The following BCKDHB variants were observed in gnomAD, a reference collection of about 807,000 sequenced individuals.
BCKDHB encodes the protein branched chain keto acid dehydrogenase E1 subunit beta.
BCKDHB carries 41 observed loss-of-function variants against 48.5 expected under a neutral mutation model. The observed-to-expected ratio is 0.85, with a 90% confidence interval of 0.66 to 1.10. The LOEUF (loss-of-function observed/expected upper bound fraction) is 1.10, where lower values mean the gene tolerates loss of function less well. Among genes scored for constraint, BCKDHB ranks in the 50% least tolerant of loss-of-function variants. The pLI, the probability that BCKDHB is intolerant of heterozygous loss-of-function variation, is 0.00. For missense variants in BCKDHB, 496 were observed against 494.2 expected, an observed-to-expected ratio of 1.00 and a Z score of -0.03; for synonymous variants, 201 against 174.8, an observed-to-expected ratio of 1.15 and a Z score of -1.18.
chr6:80,338,159 A>T, intron 9 of BCKDHB, among the ~76,000 whole-genome samples: 1 of 152,240 alleles, frequency 6.6e-6, no homozygotes, highest in East Asian at 1.9e-4. Context: ...AATAAATCTG[A>T]GCCTGGAATT....
intron 6 of BCKDHB, among the ~76,000 whole-genome samples, chr6:80,174,743 A>G (rs1773074441): frequency 6.6e-6 from 1 of 152,142 alleles, no homozygotes; most frequent in Non-Finnish European, 1.5e-5. Context: ...ATGATTCTAT[A>G]GGGCACTGAG....
rs534574531 is a variant in BCKDHB, at chr6:80,272,792, G to T, written c.952-343G>T. 1.6e-3 allele frequency among the ~76,000 whole-genome samples: 238 copies of T among 152,088 alleles called. 2 individuals are homozygous for T. The highest frequency in any genetic ancestry group is 5.2e-3 in the African/African-American group (217 of 41,498). ...AAAAACTTTCGCTCTTTAACATGAA[G>T]AAAAATATTAACATTGAAATATGAA... On this transcript the variant is annotated intron_variant, in intron 8 of 9. Coordinates refer to ENST00000320393, the MANE Select transcript of BCKDHB (RefSeq NM_183050.4).
chr6:80,393,968 T>C, the BCKDHB span, among the ~76,000 whole-genome samples: 25 of 152,344 alleles, frequency 1.6e-4, no homozygotes, highest in Middle Eastern at 3.4e-3. Flanking sequence ...ATGTTTGTTC[T>C]TTGAAGGACA....
At chr6:80,172,545 G>A (rs568742081) in intron 6 of BCKDHB, among the ~76,000 whole-genome samples, 1 of 152,028 alleles carries the variant, frequency 6.6e-6, no homozygotes, top group Non-Finnish European at 1.5e-5. Context: ...CTTCATCAAG[G>A]TAATTTTTTG....
At chr6:80,168,131 C>T (rs1772669612) in intron 4 of BCKDHB, among the ~76,000 whole-genome samples, 1 of 151,836 alleles carries the variant, frequency 6.6e-6, no homozygotes, top group Non-Finnish European at 1.5e-5. Context: ...ACAAAAACTA[C>T]AAAAATTAGC....
chr6:80,296,926 C>T (rs979467892), intron 9 of BCKDHB, among the ~76,000 whole-genome samples: 10 of 152,168 alleles, frequency 6.6e-5, no homozygotes, highest in Non-Finnish European at 1.2e-4. Flanking sequence ...TACCAAAAAA[C>T]ACATTTCACT....
At chr6:80,220,995 A>G in intron 8 of BCKDHB, among the ~76,000 whole-genome samples, 1 of 151,868 alleles carries the variant, frequency 6.6e-6, no homozygotes, top group East Asian at 1.9e-4. Context: ...GGCCTCCCAA[A>G]GTGCTGGGAT....
chr6:80,445,333 A>G, the BCKDHB span, among the ~76,000 whole-genome samples: 1 of 152,202 alleles, frequency 6.6e-6, no homozygotes, highest in African/African-American at 2.4e-5. Flanking sequence ...TCATCAAAAA[A>G]TATATCAAAC....
intron 9 of BCKDHB, among the ~76,000 whole-genome samples, chr6:80,309,869 C>G (rs1582547500): frequency 6.6e-6 from 1 of 152,172 alleles, no homozygotes; most frequent in Non-Finnish European, 1.5e-5. Flanking sequence ...CCTCAGCCCT[C>G]AAGTAGGCCT....
intron 3 of BCKDHB, among the ~76,000 whole-genome samples, chr6:80,162,026 C>T (rs886391501): frequency 5.3e-5 from 8 of 152,152 alleles, no homozygotes; most frequent in African/African-American, 1.9e-4. Context: ...TTAAATCCAT[C>T]TCTCTGTGTA....
chr6:80,233,757 A>G (rs200663266), intron 8 of BCKDHB, among the ~76,000 whole-genome samples: 2 of 152,326 alleles, frequency 1.3e-5, no homozygotes, highest in East Asian at 3.9e-4. Context: ...TCATCTACAT[A>G]CATCAGGTTT....
chr6:80,280,801 A>C (rs1041633996), intron 9 of BCKDHB, among the ~76,000 whole-genome samples: 1 of 152,184 alleles, frequency 6.6e-6, no homozygotes, highest in Non-Finnish European at 1.5e-5. Flanking sequence ...TTCTAAACCA[A>C]GGACATGGGA....
chr6:80,311,760 T>C (rs1768176463), intron 9 of BCKDHB, among the ~76,000 whole-genome samples: 1 of 152,154 alleles, frequency 6.6e-6, no homozygotes. Flanking sequence ...ATTTCTGGGT[T>C]CTCTATTGTG....
intron 3 of BCKDHB, among the ~76,000 whole-genome samples, chr6:80,130,636 A>G (rs1770579643): frequency 6.6e-6 from 1 of 152,200 alleles, no homozygotes; most frequent in African/African-American, 2.4e-5. Flanking sequence ...ACAGTTAAAA[A>G]TCTTTACACA....
At chr6:80,289,449 C>T (rs1766799666) in intron 9 of BCKDHB, among the ~76,000 whole-genome samples, 1 of 152,074 alleles carries the variant, frequency 6.6e-6, no homozygotes, top group African/African-American at 2.4e-5. Context: ...GGAAGTGCAG[C>T]TCCCACTGAG....
At chr6:80,160,313 C>T (rs1403170503) in intron 3 of BCKDHB, among the ~76,000 whole-genome samples, 1 of 152,122 alleles carries the variant, frequency 6.6e-6, no homozygotes, top group Non-Finnish European at 1.5e-5. Flanking sequence ...TGCACCACCA[C>T]ACCTGGCAGA....
chr6:80,352,255 G>A, the BCKDHB span, among the ~76,000 whole-genome samples: 2 of 151,972 alleles, frequency 1.3e-5, no homozygotes, highest in South Asian at 4.2e-4. Context: ...TGGGACTACA[G>A]GTGTGAGCCA....
Position 80,245,528 on chromosome 6 carries a change from A to T in BCKDHB, c.952-27607A>T, listed in dbSNP as rs147125902. ...GATACTTGGTAAAAACACGATAGAGATCATTTTAAGTTCTGATACTATTTT... is the reference window on the plus strand; with the variant it reads ...GATACTTGGTAAAAACACGATAGAGTTCATTTTAAGTTCTGATACTATTTT... On this transcript the variant is annotated intron_variant, in intron 8 of 9. Transcript: ENST00000320393. 4.9e-3 allele frequency among the ~76,000 whole-genome samples: 750 copies of T among 152,240 alleles called. 8 individuals are homozygous for T. The highest frequency in any genetic ancestry group is 0.017 in the African/African-American group (706 of 41,550).
the BCKDHB span, among the ~76,000 whole-genome samples, chr6:80,387,804 G>T: frequency 6.6e-6 from 1 of 152,192 alleles, no homozygotes; most frequent in African/African-American, 2.4e-5. Context: ...GACCTTGGTC[G>T]CTTTTCACTT....
Sources: allele counts gnomAD v4.1 joint callset (sites outside exome capture counted in the v4.1 genomes callset), GRCh38; gene constraint gnomAD v4.1.1; transcripts MANE v1.5; gene names NCBI Gene and HGNC (gene_info 2026-07-23, HGNC 2026-07-21).